ADCY7: variants seen among roughly 807,000 people sequenced by gnomAD.
The protein encoded by ADCY7 is adenylate cyclase 7.
A neutral mutation model predicts 120.6 loss-of-function variants in ADCY7; 72 were observed. The observed-to-expected ratio is 0.60, with a 90% CI of 0.49 to 0.73. ADCY7 has a LOEUF of 0.73. Among genes scored for constraint, ADCY7 ranks in the 30% least tolerant of loss-of-function variants. ADCY7 has a pLI of 0.00. For synonymous variants in ADCY7, 661 were observed against 628.0 expected, an observed-to-expected ratio of 1.05 and a Z score of -0.78; for missense variants, 1,227 against 1,486.0, an observed-to-expected ratio of 0.83 and a Z score of 2.87.
chr16:50,290,694 C>G (rs2034894804), intron 3 of ADCY7, 34 bp downstream of exon 3: 16 of 1,591,210 alleles, frequency 1.0e-5, no homozygotes, highest in Middle Eastern at 1.9e-4. Context: ...GCCAGCTGCG[C>G]CTTCAGCAGC....
rs1225702255 is a variant in ADCY7 at position 50,312,090 on chromosome 16, C to T, written c.2503C>T (p.His835Tyr). Residue 835 changes from histidine to tyrosine, a missense_variant, in exon 21 of 26, where the codon CAC becomes TAC. Physicochemically the swap from His to Tyr is moderately conservative, Grantham distance 83. Transcript: ENST00000673801. ...CLWKKKFKKE[H>Y]EEFETMENVN... ...ATGGAAGAAGAAGTTCAAGAAGGAG[C>T]ACGAGGAGTTTGAGACCATGGAGAA... 1 of 1,614,100 alleles carries T rather than the reference C, an allele frequency of 6.2e-7. No individual in the cohort carries two copies. Among genetic ancestry groups the T allele is most frequent in the Non-Finnish European group, 8.5e-7 (1 of 1,180,050 alleles).
chr16:50,291,420 C>A (rs1596904765), intron 3 of ADCY7, among the ~76,000 whole-genome samples: 1 of 152,242 alleles, frequency 6.6e-6, no homozygotes, highest in East Asian at 1.9e-4. Flanking sequence ...TCCCGGTAAT[C>A]ATTTCTGCTG....
chr16:50,312,178 A>C lies in ADCY7; in HGVS notation c.2591A>C (p.Asp864Ala), dbSNP rs774235190. 2.4e-5 allele frequency: 39 copies of C among 1,613,872 alleles called. No individual in the cohort carries two copies. Among genetic ancestry groups the C allele is most frequent in the Non-Finnish European group, 3.2e-5 (38 of 1,179,996 alleles). ...CACGTGGCTGCCCACTTTATCGGTG[A>C]CAAGTTAAACGAGGTGTGCTGAGAA... Reference protein sequence around the residue: ...PAHVAAHFIGDKLNEDWYHQS... With the variant: ...PAHVAAHFIGAKLNEDWYHQS... The change falls in exon 21 of 26, where the codon GAC (aspartate) becomes GCC (alanine). Residue 864 changes from aspartate to alanine, a missense_variant. By Grantham distance (126) the Asp-to-Ala change is moderately radical (BLOSUM62 -2). Coordinates refer to ENST00000673801, the MANE Select transcript of ADCY7 (RefSeq NM_001114.5).
intron 8 of ADCY7, among the ~76,000 whole-genome samples, chr16:50,299,371 C>T (rs1042013477): frequency 2.0e-5 from 3 of 152,202 alleles, no homozygotes; most frequent in African/African-American, 7.2e-5. Context: ...GGGACCTTTC[C>T]GACCCAGGGG....
chr16:50,310,416 C>G, intron 18 of ADCY7: 1 of 1,527,270 alleles, frequency 6.5e-7, no homozygotes, highest in Non-Finnish European at 8.8e-7. Flanking sequence ...CATGCACGCT[C>G]CGGCCTTGAC....
chr16:50,304,498 C>T lies in ADCY7; in HGVS notation c.1507C>T (p.Arg503Cys), dbSNP rs376738657. The T allele has an allele frequency of 5.4e-5, 87 of 1,603,194 alleles. No homozygotes were observed. Among genetic ancestry groups the T allele is most frequent in the Non-Finnish European group, 6.7e-5 (79 of 1,174,942 alleles). The change falls in exon 11 of 26, where the codon CGT (arginine) becomes TGT (cysteine). Residue 503 changes from arginine (R) to cysteine (C), a missense_variant. Arg to Cys is a radical substitution (Grantham distance 180). This residue lies in a region of ADCY7 where 332 missense variants were observed against 455.8 expected (regional missense o/e 0.73). Transcript: ENST00000673801. Reference sequence around the variant, plus strand: ...ACGGCCCTTTGCACATCTCAACCACCGTGAGAGCGTGAGCAGTGGTGAGAC... The same window carrying T: ...ACGGCCCTTTGCACATCTCAACCACTGTGAGAGCGTGAGCAGTGGTGAGAC... ...AARPFAHLNH[R>C]ESVSSGETHV...
At chr16:50,260,107 C>T (rs558165418) in intron 1 of ADCY7, among the ~76,000 whole-genome samples, 3 of 152,352 alleles carry the variant, frequency 2.0e-5, no homozygotes, top group South Asian at 4.1e-4. Flanking sequence ...GGAGTCAGCC[C>T]TGCTCTGTCC....
chr16:50,253,544 G>A (rs536249078), intron 1 of ADCY7, among the ~76,000 whole-genome samples: 13 of 152,262 alleles, frequency 8.5e-5, no homozygotes, highest in East Asian at 3.9e-4. Context: ...GTGAGCCACC[G>A]CACCCAGCCA....
chr16:50,298,551 G>T (rs1256487964), intron 7 of ADCY7, among the ~76,000 whole-genome samples: 1 of 152,228 alleles, frequency 6.6e-6, no homozygotes, highest in African/African-American at 2.4e-5. Context: ...TGGCTGCAGA[G>T]ATTTGCATCT....
At position 50,312,937 on chromosome 16, in the gene ADCY7, C is replaced by A. The variant is rs143161770; in HGVS notation, c.2652C>A (p.Ser884=). The change falls in exon 22 of 26, where the codon TCC becomes TCA. Residue 884 remains serine (S), a synonymous_variant. Coordinates refer to ENST00000673801, the MANE Select transcript of ADCY7 (RefSeq NM_001114.5). ...SYDCVCVMFA[S]VPDFKVFYTE... Reference sequence around the variant, plus strand: ...ACTGCGTCTGTGTCATGTTTGCCTCCGTGCCGGACTTCAAAGTGTTCTACA... The same window carrying A: ...ACTGCGTCTGTGTCATGTTTGCCTCAGTGCCGGACTTCAAAGTGTTCTACA... The A allele has an allele frequency of 6.2e-7, 1 of 1,614,136 alleles. No individual in the cohort carries two copies. The highest frequency in any genetic ancestry group is 8.5e-7 in the Non-Finnish European group (1 of 1,180,014).
At chr16:50,286,501 G>T (rs1199820740) in intron 1 of ADCY7, among the ~76,000 whole-genome samples, 2 of 151,922 alleles carry the variant, frequency 1.3e-5, no homozygotes, top group Non-Finnish European at 2.9e-5. Context: ...GATGCAGGGG[G>T]CTACCCTGGC....
chr16:50,306,309 T>C (rs2036061692), intron 14 of ADCY7, among the ~76,000 whole-genome samples: 1 of 134,480 alleles, frequency 7.4e-6, no homozygotes, highest in African/African-American at 3.2e-5. Context: ...TTATATAATT[T>C]AACCGTCACA....
Position 50,279,304 on chromosome 16 carries a change from C to T in ADCY7, c.-268-8608C>T, listed in dbSNP as rs79677319. Among the ~76,000 whole-genome samples the T allele has an allele frequency of 7.5e-3, 1,139 of 152,330 alleles. 21 individuals carry two copies. Among genetic ancestry groups the T allele is most frequent in the African/African-American group, 0.026 (1,092 of 41,570 alleles). On this transcript the variant is annotated intron_variant, in intron 1 of 25. Coordinates refer to ENST00000673801, the MANE Select transcript of ADCY7 (RefSeq NM_001114.5). ...CTTGTCCTGGGCAGGACGAGAACCA[C>T]GTGAGGTCCCCCATGGCCAGCTGGA...
rs183883756 is a variant in ADCY7, at chr16:50,313,984, C to T, written c.2778C>T (p.Gly926=). Residue 926 remains glycine (G), a synonymous_variant, in exon 23 of 26, where the codon GGC becomes GGT. Coordinates refer to ENST00000673801, the MANE Select transcript of ADCY7 (RefSeq NM_001114.5). Reference sequence around the variant, plus strand: ...TCCTACTGAAGCCCAAGTTCAGCGGCGTGGAGAAGATCAAGACCATCGGCA... The same window carrying T: ...TCCTACTGAAGCCCAAGTTCAGCGGTGTGGAGAAGATCAAGACCATCGGCA... ...DELLLKPKFS[G]VEKIKTIGST... The T allele has an allele frequency of 7.9e-5, 128 of 1,614,000 alleles. 1 individual carries two copies. The highest frequency in any genetic ancestry group is 7.6e-4 in the East Asian group (34 of 44,878).
At chr16:50,301,319 GTGGGGAAGGGCCCTGCC>G (rs1291231775) in intron 10 of ADCY7, 105 bp downstream of exon 10, 4 of 1,421,768 alleles carry the variant, frequency 2.8e-6, no homozygotes, top group East Asian at 5.0e-5. Context: ...GGAGGGAGAG[GTGGGGAAGGGCCCTGCC>G]TGGGCAGGAG....
At position 50,303,781 on chromosome 16, in the gene ADCY7, C is replaced by T. The variant is rs569752225; in HGVS notation, c.1369-579C>T. 3.9e-4 allele frequency among the ~76,000 whole-genome samples: 59 copies of T among 151,470 alleles called. 1 individual carries two copies. Among genetic ancestry groups the T allele is most frequent in the Admixed American group, 9.2e-4 (14 of 15,236 alleles). On this transcript the variant is annotated intron_variant, in intron 10 of 25. Coordinates refer to ENST00000673801, the MANE Select transcript of ADCY7 (RefSeq NM_001114.5). ...GCCACACAAGTGGAACTCCCTGGAT[C>T]GCTGCCCTGGGGGTTGGCTGGCCTC... is the stretch of plus-strand genomic sequence containing the variant.
rs750457491 is a variant in ADCY7 at position 50,292,721 on chromosome 16, G to C, written c.583G>C (p.Ala195Pro). The change falls in exon 5 of 26, where the codon GCC becomes CCC. Residue 195 changes from alanine to proline, a missense_variant. This residue lies in a region of ADCY7 where 382 missense variants were observed against 411.4 expected (regional missense o/e 0.93). Transcript: ENST00000673801. ...CTTCCTGTGTGGGAACCTGACAGGCGCCTTCCACAAGCACCAAATGCAGGA... is the reference window on the plus strand; with the variant it reads ...CTTCCTGTGTGGGAACCTGACAGGCCCCTTCCACAAGCACCAAATGCAGGA... ...VIFLCGNLTG[A>P]FHKHQMQDAS... The C allele has an allele frequency of 6.2e-6, 10 of 1,613,926 alleles. No individual in the cohort carries two copies. Among genetic ancestry groups the C allele is most frequent in the Non-Finnish European group, 8.5e-6 (10 of 1,179,974 alleles).
chr16:50,303,518 G>A (rs925025349), intron 10 of ADCY7, among the ~76,000 whole-genome samples: 1 of 152,180 alleles, frequency 6.6e-6, no homozygotes, highest in Non-Finnish European at 1.5e-5. Context: ...ATCTCTGGTG[G>A]CCTTGTGGGT....
At chr16:50,292,206 G>A (rs767944981) in intron 4 of ADCY7, among the ~76,000 whole-genome samples, 15 of 152,234 alleles carry the variant, frequency 9.9e-5, no homozygotes, top group Non-Finnish European at 2.2e-4. Flanking sequence ...GTTTCCCCTC[G>A]AAGGCCCTGT....
Sources: allele counts gnomAD v4.1 joint callset (sites outside exome capture counted in the v4.1 genomes callset), GRCh38; gene constraint gnomAD v4.1.1; regional missense constraint gnomAD v4.1.1; transcripts MANE v1.5; gene names NCBI Gene and HGNC (gene_info 2026-07-23, HGNC 2026-07-21).